NUBPL: variants seen among roughly 807,000 people sequenced by gnomAD.
The protein encoded by NUBPL is iron-sulfur cluster transfer protein NUBPL.
NUBPL carries 31 observed loss-of-function variants against 45.7 expected under a neutral mutation model. The ratio of observed to expected loss-of-function variants is 0.68; its 90% CI spans 0.51 to 0.92. The LOEUF (loss-of-function observed/expected upper bound fraction) is 0.92, where lower values mean the gene tolerates loss of function less well. Ranked by LOEUF, NUBPL falls within the 40% of genes least tolerant of loss-of-function variation. The pLI, the probability that NUBPL is intolerant of heterozygous loss-of-function variation, is 0.00. For synonymous variants in NUBPL, 144 were observed against 140.9 expected (o/e 1.02, Z -0.15); for missense variants, 401 against 398.7 (o/e 1.01, Z -0.05).
chr14:31,664,033 CTGTT>C (rs1484599824), intron 4 of NUBPL, among the ~76,000 whole-genome samples: 7 of 152,136 alleles, frequency 4.6e-5, no homozygotes, highest in Admixed American at 3.3e-4. Flanking sequence ...ATTTGGCTCT[CTGTT>C]TGTCTGTTAT....
At chr14:31,854,355 G>A (rs184649671) in intron 10 of NUBPL, among the ~76,000 whole-genome samples, 3 of 152,310 alleles carry the variant, frequency 2.0e-5, no homozygotes, top group Non-Finnish European at 4.4e-5. Context: ...AGTTATCTCA[G>A]TTATGTCCTT....
chr14:31,655,284 G>A (rs751791184), intron 4 of NUBPL, among the ~76,000 whole-genome samples: 11 of 152,216 alleles, frequency 7.2e-5, no homozygotes, highest in Non-Finnish European at 1.3e-4. Context: ...AGACTTGAAA[G>A]TCAAAATTAC....
chr14:31,769,273 T>A (rs57859175), intron 6 of NUBPL, among the ~76,000 whole-genome samples: 1 of 152,256 alleles, frequency 6.6e-6, no homozygotes, highest in African/African-American at 2.4e-5. Context: ...TTTTAATGTC[T>A]CTCTGGACTT....
chr14:31,771,592 T>A (rs2039010727), intron 6 of NUBPL, among the ~76,000 whole-genome samples: 1 of 152,138 alleles, frequency 6.6e-6, no homozygotes, highest in Admixed American at 6.6e-5. Flanking sequence ...AGGATCTAAA[T>A]CCCATTCCTA....
chr14:31,694,346 A>G (rs1437900149), intron 6 of NUBPL, among the ~76,000 whole-genome samples: 3 of 152,186 alleles, frequency 2.0e-5, no homozygotes, highest in African/African-American at 7.2e-5. Context: ...ACATTTGTAT[A>G]AGGCAGTATT....
rs116341266 is a variant in NUBPL, at chr14:31,590,610, A to G, written c.292-8679A>G. Among the ~76,000 whole-genome samples, 1,306 of 152,318 alleles carry G rather than the reference A, an allele frequency of 8.6e-3. 22 individuals are homozygous for G. Among genetic ancestry groups the G allele is most frequent in the African/African-American group, 0.029 (1,215 of 41,572 alleles). ...TTGCAGTTTAGTTAAGGACATTCTT[A>G]AGGAATTGATGTTAGTTTTCCAGCA... On this transcript the variant is annotated intron_variant, in intron 3 of 10. Transcript: ENST00000281081.
chr14:31,669,119 T>G (rs772892232), intron 4 of NUBPL, among the ~76,000 whole-genome samples: 9 of 152,354 alleles, frequency 5.9e-5, no homozygotes, highest in Non-Finnish European at 1.2e-4. Context: ...AACTTCAGCC[T>G]CCTGAGTAGC....
chr14:31,591,877 AT>A (rs1171237391), intron 3 of NUBPL, among the ~76,000 whole-genome samples: 1 of 152,122 alleles, frequency 6.6e-6, no homozygotes, highest in Non-Finnish European at 1.5e-5. Context: ...TTACTTACCC[AT>A]TTATTCAACA....
At chr14:31,653,881 T>C (rs1392117150) in intron 4 of NUBPL, among the ~76,000 whole-genome samples, 1 of 152,226 alleles carries the variant, frequency 6.6e-6, no homozygotes, top group Non-Finnish European at 1.5e-5. Flanking sequence ...CCATGAAATC[T>C]TCACAATTTG....
intron 4 of NUBPL, among the ~76,000 whole-genome samples, chr14:31,610,113 A>G (rs147907401): frequency 6.3e-4 from 96 of 152,272 alleles, no homozygotes; most frequent in African/African-American, 2.2e-3. Flanking sequence ...CAAAAGATCA[A>G]TGAAACAAAA....
chr14:31,733,106 A>G (rs75946355), intron 6 of NUBPL, among the ~76,000 whole-genome samples: 9,636 of 152,266 alleles, frequency 0.063, 416 homozygotes, highest in Non-Finnish European at 0.091. Flanking sequence ...CCAGTTTTCC[A>G]GAACCAAATG....
intron 3 of NUBPL, among the ~76,000 whole-genome samples, chr14:31,589,731 C>T (rs11156693): frequency 0.4 from 61,526 of 151,944 alleles, 14,083 homozygotes; most frequent in East Asian, 0.6. Context: ...CCAAACTGCT[C>T]CCCCGTCCAA....
chr14:31,850,684 G>A (rs951952676), intron 10 of NUBPL, among the ~76,000 whole-genome samples: 4 of 151,792 alleles, frequency 2.6e-5, no homozygotes, highest in Admixed American at 2.0e-4. Context: ...ACAATTGTGC[G>A]ATCCCAGCTC....
chr14:31,696,237 T>C (rs1051003936), intron 6 of NUBPL, among the ~76,000 whole-genome samples: 2 of 152,212 alleles, frequency 1.3e-5, no homozygotes, highest in Non-Finnish European at 2.9e-5. Context: ...CTGCTCTATA[T>C]TATTGATCAG....
intron 7 of NUBPL, among the ~76,000 whole-genome samples, chr14:31,824,543 A>C (rs939879293): frequency 2.0e-5 from 3 of 152,222 alleles, no homozygotes; most frequent in Non-Finnish European, 2.9e-5. Flanking sequence ...TTAATGTAAA[A>C]GATTTTTTTC....
intron 4 of NUBPL, among the ~76,000 whole-genome samples, chr14:31,632,440 A>G (rs1021230682): frequency 4.6e-5 from 7 of 152,292 alleles, no homozygotes; most frequent in Non-Finnish European, 5.9e-5. Flanking sequence ...GGCAGTCTGT[A>G]TAGAAACCCC....
chr14:31,587,241 G>T (rs1341033803), intron 3 of NUBPL, among the ~76,000 whole-genome samples: 6 of 152,138 alleles, frequency 3.9e-5, no homozygotes, highest in Non-Finnish European at 8.8e-5. Context: ...AAAAGTATGG[G>T]CTATGGATTC....
At chr14:31,780,465 C>A (rs1301740421) in intron 6 of NUBPL, among the ~76,000 whole-genome samples, 1 of 152,144 alleles carries the variant, frequency 6.6e-6, no homozygotes, top group African/African-American at 2.4e-5. Flanking sequence ...TGAGAAAAAG[C>A]AAATGCTCCC....
chr14:31,767,576 A>G (rs543495002), intron 6 of NUBPL, among the ~76,000 whole-genome samples: 13 of 152,324 alleles, frequency 8.5e-5, no homozygotes, highest in Non-Finnish European at 1.6e-4. Context: ...CCACAAGTTG[A>G]AATTCACACA....
Sources: allele counts gnomAD v4.1 joint callset (sites outside exome capture counted in the v4.1 genomes callset), GRCh38; gene constraint gnomAD v4.1.1; transcripts MANE v1.5; gene names NCBI Gene and HGNC (gene_info 2026-07-23, HGNC 2026-07-21).